The following MAP2K2 variants were observed in gnomAD, a reference collection of about 807,000 sequenced individuals.
The protein encoded by MAP2K2 is dual specificity mitogen-activated protein kinase kinase 2.
MAP2K2 carries 24 observed loss-of-function variants against 43.7 expected under a neutral mutation model. The observed-to-expected ratio is 0.55, with a 90% CI of 0.40 to 0.77. The LOEUF (loss-of-function observed/expected upper bound fraction) is 0.77. Among genes scored for constraint, MAP2K2 ranks in the 30% least tolerant of loss-of-function variants. The pLI is 0.00. For synonymous variants in MAP2K2, 244 were observed against 239.7 expected (o/e 1.02, Z -0.17); for missense variants, 470 against 566.8 (o/e 0.83, Z 1.73).
At chr19:4,103,307 G>A (rs1459450896) in intron 3 of MAP2K2, 3 of 970,902 alleles carry the variant, frequency 3.1e-6, no homozygotes. Context: ...TCTTGCCCAA[G>A]GCTGCCTGGC....
At chr19:4,095,473 G>C in intron 8 of MAP2K2, 24 bp from the exon 9 acceptor site, 1 of 1,547,856 alleles carries the variant, frequency 6.5e-7, no homozygotes, top group East Asian at 2.4e-5. Context: ...CAGAGGGTGG[G>C]GTCAGCCCTG....
chr19:4,118,977 G>A (rs954194493), intron 1 of MAP2K2, among the ~76,000 whole-genome samples: 1 of 152,226 alleles, frequency 6.6e-6, no homozygotes, highest in Non-Finnish European at 1.5e-5. Flanking sequence ...GCAATGGAAT[G>A]TAAACCATGC....
chr19:4,123,297 G>A (rs1319879588), intron 1 of MAP2K2, among the ~76,000 whole-genome samples: 1 of 147,628 alleles, frequency 6.8e-6, no homozygotes, highest in Non-Finnish European at 1.5e-5. Flanking sequence ...TCACTTTTCA[G>A]AAGCCCCACA....
At chr19:4,104,852 T>A (rs1024898588) in intron 3 of MAP2K2, 1 of 152,310 alleles carries the variant, frequency 6.6e-6, no homozygotes, top group Non-Finnish European at 1.5e-5. Context: ...GCCAGGTCAC[T>A]CTCTGGGGTG....
At chr19:4,120,308 T>A (rs974518692) in intron 1 of MAP2K2, among the ~76,000 whole-genome samples, 5 of 152,184 alleles carry the variant, frequency 3.3e-5, no homozygotes, top group African/African-American at 1.2e-4. Context: ...ATAACATCAA[T>A]GAATAAATGA....
In MAP2K2 at chr19:4,101,388, G is replaced by A. The variant is rs1185114309; in HGVS notation, c.529-108C>T. The A allele has an allele frequency of 2.2e-5, 27 of 1,254,348 alleles. No homozygotes were observed. Among genetic ancestry groups the A allele is most frequent in the Admixed American group, 4.0e-5 (2 of 50,600 alleles). 77.7% of individuals were successfully genotyped at this position (1,254,348 alleles called of 1,614,324 possible). Reference sequence around the variant, plus strand: ...GTCAGAGCTGGAGCGAGGGAGCTGCGGCAGGAACCATTTCAGGCTGTGAGG... The same window carrying A: ...GTCAGAGCTGGAGCGAGGGAGCTGCAGCAGGAACCATTTCAGGCTGTGAGG... On this transcript the variant is annotated intron_variant, in intron 4 of 10. Coordinates refer to ENST00000262948, the MANE Select transcript of MAP2K2 (RefSeq NM_030662.4). The surrounding 1 kb of genome is among the most constrained non-coding windows in gnomAD (Gnocchi z 6.3).
rs770134564 is a variant in MAP2K2, at chr19:4,123,791, C to A, written c.85G>T (p.Ala29Ser). 6.4e-7 allele frequency: 1 copy of A among 1,557,780 alleles called. No homozygotes were observed. Among genetic ancestry groups the A allele is most frequent in the Non-Finnish European group, 8.6e-7 (1 of 1,156,508 alleles). The stretch of plus-strand genomic sequence containing the variant: ...TGACCCCTGCCCACTCACTCGGAGG[C>A]GCCCTCGCTGGTAGGGGATGGGCCC... Reference protein sequence around the residue: ...AEGPSPTSEGASEANLVDLQK... With the variant: ...AEGPSPTSEGSSEANLVDLQK... Residue 29 changes from alanine (A) to serine (S), a missense_variant, in exon 1 of 11, where the codon GCC becomes TCC. Around this residue, in one of 3 missense-constraint regions of MAP2K2, gnomAD observed 58 missense variants for 48.0 expected, o/e 1.21. Transcript: ENST00000262948.
At position 4,103,513 on chromosome 19, in the gene MAP2K2, T is replaced by TAGAGAGGGCGGGCTGGAG. The variant is rs1555697337; in HGVS notation, c.451-1061_451-1060insCTCCAGCCCGCCCTCTCT. 6.6e-3 allele frequency: 1,003 copies of TAGAGAGGGCGGGCTGGAG among 151,620 alleles called. 7 individuals carry two copies. Among genetic ancestry groups the TAGAGAGGGCGGGCTGGAG allele is most frequent in the Non-Finnish European group, 0.01 (707 of 67,896 alleles). 9.4% of individuals were successfully genotyped at this position (151,620 alleles called of 1,614,324 possible). On this transcript the variant is annotated intron_variant, in intron 3 of 10. Transcript: ENST00000262948. ...TGCTCAGCAGAGAGGAAAGTGGAAC[T>TAGAGAGGGCGGGCTGGAG]GAGGCTAGAGAGGGCGGGCTGGAGG...
chr19:4,122,459 C>A (rs2041313496), intron 1 of MAP2K2, among the ~76,000 whole-genome samples: 1 of 82,028 alleles, frequency 1.2e-5, no homozygotes, highest in African/African-American at 5.2e-5. Flanking sequence ...CCCATAGGGA[C>A]CCCCTCACCC....
At chr19:4,090,784 C>T in intron 10 of MAP2K2, 76 bp from the exon 11 acceptor site, 1 of 974,460 alleles carries the variant, frequency 1.0e-6, no homozygotes, top group Non-Finnish European at 1.6e-6. Flanking sequence ...TCTGCCCAGC[C>T]CTGGCAGATG....
At position 4,100,479 on chromosome 19, in the gene MAP2K2, T is replaced by C. The variant is rs147978630; in HGVS notation, c.705+540A>G. The C allele has an allele frequency of 4.7e-3, 653 of 138,208 alleles. 2 individuals carry two copies. Among genetic ancestry groups the C allele is most frequent in the Non-Finnish European group, 7.1e-3 (463 of 65,588 alleles). 8.6% of individuals were successfully genotyped at this position (138,208 alleles called of 1,614,324 possible). ...AAGAAAGAAACCTGGTAGGCACTGC[T>C]AGAGACAAAAACCTAAGAGAGAATT... On this transcript the variant is annotated intron_variant, in intron 6 of 10. Coordinates refer to ENST00000262948, the MANE Select transcript of MAP2K2 (RefSeq NM_030662.4).
intron 3 of MAP2K2, chr19:4,104,473 A>G (rs997239197): frequency 2.0e-5 from 3 of 152,310 alleles, no homozygotes; most frequent in African/African-American, 7.2e-5. Context: ...GGATCCCTTG[A>G]ACCTGGGAGG....
At chr19:4,109,667 T>C (rs1205971087) in intron 3 of MAP2K2, among the ~76,000 whole-genome samples, 3 of 151,996 alleles carry the variant, frequency 2.0e-5, no homozygotes, top group Non-Finnish European at 2.9e-5. Context: ...ATAGAGATGG[T>C]TTCTCACTAT....
rs534040555 is a variant in MAP2K2, at chr19:4,098,663, T to C, written c.919+538A>G. Among the ~76,000 whole-genome samples the C allele has an allele frequency of 7.9e-5, 12 of 152,284 alleles. No homozygotes were observed. The East Asian group carries it at 1.4e-3, about 17-fold the overall frequency. On this transcript the variant is annotated intron_variant, in intron 7 of 10. Coordinates refer to ENST00000262948, the MANE Select transcript of MAP2K2 (RefSeq NM_030662.4). ...GCCCGCCCTAAGTGCCGGATTGTCC[T>C]CTGCGAGCCCAGCTGTCCCTGGGGC...
At chr19:4,109,502 G>A (rs1210630416) in intron 3 of MAP2K2, among the ~76,000 whole-genome samples, 2 of 152,108 alleles carry the variant, frequency 1.3e-5, no homozygotes, top group Admixed American at 1.3e-4. Context: ...GCAGTGGCGT[G>A]ACCAAAGCTC....
intron 3 of MAP2K2, 88 bp from the exon 4 acceptor site, chr19:4,102,541 G>C (rs2041029643): frequency 9.2e-7 from 1 of 1,087,922 alleles, no homozygotes; most frequent in Non-Finnish European, 1.4e-6. Context: ...CGAGGGGGTG[G>C]TCTGCCTCCT....
At chr19:4,102,710 T>C in intron 3 of MAP2K2, 1 of 1,225,852 alleles carries the variant, frequency 8.2e-7, no homozygotes, top group Non-Finnish European at 1.1e-6. Context: ...ATCAGTTGCG[T>C]GACTCGGCCC....
In MAP2K2 at chr19:4,105,155, C is replaced by CGTGTGTGTGTGTGT. The variant is rs61710801; in HGVS notation, c.451-2716_451-2703dup. Among the ~76,000 whole-genome samples the CGTGTGTGTGTGTGT allele has an allele frequency of 1.3e-3, 176 of 137,752 alleles. 1 individual carries two copies. Among genetic ancestry groups the CGTGTGTGTGTGTGT allele is most frequent in the African/African-American group, 4.8e-3 (164 of 33,930 alleles). 90.4% of individuals were successfully genotyped at this position (137,752 alleles called of 152,430 possible). On this transcript the variant is annotated intron_variant, in intron 3 of 10. Transcript: ENST00000262948. ...TCTGTGCATGACCATACACGTCTAC[C>CGTGTGTGTGTGTGT]GTGTGTGTGTGTGTGTGTGTGTGTG...
In MAP2K2 at chr19:4,090,514, C is replaced by T. The variant is rs1038534034; in HGVS notation, c.*84G>A. ...TGAGGCAGGAGGGTGGGTGGAGGCG[C>T]CAGCCTGTCCTCAGCTGGAAGGGCG... On this transcript the variant is annotated 3_prime_UTR_variant, in exon 11 of 11. Transcript: ENST00000262948. The T allele has an allele frequency of 8.1e-7, 1 of 1,230,970 alleles. No homozygotes were observed. 76.3% of individuals were successfully genotyped at this position (1,230,970 alleles called of 1,614,324 possible).
Sources: allele counts gnomAD v4.1 joint callset (sites outside exome capture counted in the v4.1 genomes callset), GRCh38; gene constraint gnomAD v4.1.1; regional missense constraint gnomAD v4.1.1; non-coding constraint Gnocchi (gnomAD v3.1); transcripts MANE v1.5; gene names NCBI Gene and HGNC (gene_info 2026-07-23, HGNC 2026-07-21).